LRRC8D: variants seen among roughly 807,000 people sequenced by gnomAD.
The protein encoded by LRRC8D is leucine rich repeat containing 8 VRAC subunit D.
A neutral mutation model predicts 55.8 loss-of-function variants in LRRC8D; 20 were observed. That is an observed-to-expected ratio of 0.36 (90% CI 0.25 to 0.52). The LOEUF (loss-of-function observed/expected upper bound fraction) is 0.52. LRRC8D is among the 20% of genes least tolerant of loss of function. The pLI, the probability that LRRC8D is intolerant of heterozygous loss-of-function variation, is 0.93. For synonymous variants in LRRC8D, 352 were observed against 377.0 expected (o/e 0.93, Z 0.77); for missense variants, 651 against 1,030.8 (o/e 0.63, Z 5.05).
chr1:89,901,478 C>T (rs1006060762), intron 2 of LRRC8D, among the ~76,000 whole-genome samples: 1 of 152,186 alleles, frequency 6.6e-6, no homozygotes, highest in African/African-American at 2.4e-5. Flanking sequence ...TGCACCATTG[C>T]CCAGTCCCCA....
At chr1:89,889,755 C>T (rs1035771848) in intron 2 of LRRC8D, among the ~76,000 whole-genome samples, 1 of 151,892 alleles carries the variant, frequency 6.6e-6, no homozygotes, top group South Asian at 2.1e-4. Flanking sequence ...TTTTGGTGAG[C>T]GCCTGTGGTC....
intron 2 of LRRC8D, among the ~76,000 whole-genome samples, chr1:89,926,552 A>G (rs1314399767): frequency 6.6e-6 from 1 of 152,252 alleles, no homozygotes; most frequent in Non-Finnish European, 1.5e-5. Context: ...CTCCTTCAAT[A>G]GCCAACCCTT....
Position 89,827,644 on chromosome 1 carries a change from G to A in LRRC8D, c.-148+6353G>A, listed in dbSNP as rs538450196. Among the ~76,000 whole-genome samples, 12 of 152,276 alleles carry A rather than the reference G, an allele frequency of 7.9e-5. No individual in the cohort carries two copies. In the South Asian group the frequency reaches 2.3e-3, roughly 29 times the overall value. ...GAGGCCTATGAAACCACAAGGATAG[G>A]GCCATAGGCAGCCTTGATAGTTCAC... is the stretch of plus-strand genomic sequence containing the variant. On this transcript the variant is annotated intron_variant, in intron 1 of 2. Coordinates refer to ENST00000337338, the MANE Select transcript of LRRC8D (RefSeq NM_001134479.2).
At chr1:89,871,476 A>G (rs1662005830) in intron 2 of LRRC8D, among the ~76,000 whole-genome samples, 1 of 152,190 alleles carries the variant, frequency 6.6e-6, no homozygotes, top group South Asian at 2.1e-4. Flanking sequence ...ATATACATTC[A>G]TTTTATATTG....
intron 1 of LRRC8D, among the ~76,000 whole-genome samples, chr1:89,839,871 G>T (rs1302411206): frequency 1.3e-5 from 2 of 152,208 alleles, no homozygotes; most frequent in Non-Finnish European, 2.9e-5. Context: ...TTCACACAGA[G>T]AATTGCTTGT....
At position 89,933,512 on chromosome 1, in the gene LRRC8D, TATTAATCAAA is replaced by T; in HGVS notation, c.445_454del (p.Ile149CysfsTer17). Reference sequence around the variant, plus strand: ...ACTTGGATTTTCAGCAATATGTATTTATTAATCAAATGTGTTACCATCTGGCCCTTCCGTG... The same window carrying T: ...ACTTGGATTTTCAGCAATATGTATTTTGTGTTACCATCTGGCCCTTCCGTG... On this transcript the variant is annotated frameshift_variant, in exon 3 of 3. Coordinates refer to ENST00000337338, the MANE Select transcript of LRRC8D (RefSeq NM_001134479.2). LOFTEE classifies it high-confidence loss of function. This position sits in a 1 kb window ranked among gnomAD's most constrained non-coding sequence, Gnocchi z 7.0. 3 of 1,614,186 alleles carry T rather than the reference TATTAATCAAA, an allele frequency of 1.9e-6. No individual in the cohort carries two copies. Among genetic ancestry groups the T allele is most frequent in the Non-Finnish European group, 2.5e-6 (3 of 1,180,012 alleles).
chr1:89,849,641 T>C (rs1337054667), intron 2 of LRRC8D, among the ~76,000 whole-genome samples: 1 of 152,192 alleles, frequency 6.6e-6, no homozygotes, highest in African/African-American at 2.4e-5. Flanking sequence ...CTTCATTTAC[T>C]TAATTTAATT....
intron 1 of LRRC8D, 101 bp from the exon 2 acceptor site, chr1:89,843,537 T>C: frequency 1.5e-6 from 1 of 660,782 alleles, no homozygotes; most frequent in South Asian, 1.6e-5. Flanking sequence ...ATGCAAGCGG[T>C]GACCCCCTGG....
rs193003143 is a variant in LRRC8D, at chr1:89,923,540, T to C, written c.-2-9527T>C. Among the ~76,000 whole-genome samples the C allele has an allele frequency of 3.3e-5, 5 of 152,048 alleles. No homozygotes were observed. In the East Asian group the frequency reaches 9.7e-4, roughly 30 times the overall value. Reference sequence around the variant, plus strand: ...ATATGTAGATACAGTGCTATTCCTATCAAACTACCAGTGTCATTTTTCACA... The same window carrying C: ...ATATGTAGATACAGTGCTATTCCTACCAAACTACCAGTGTCATTTTTCACA... On this transcript the variant is annotated intron_variant, in intron 2 of 2. Transcript: ENST00000337338.
chr1:89,884,289 T>G (rs945699205), intron 2 of LRRC8D, among the ~76,000 whole-genome samples: 2 of 152,158 alleles, frequency 1.3e-5, no homozygotes, highest in Admixed American at 1.3e-4. Flanking sequence ...GAGGTAGACT[T>G]TGTGTGTAAT....
At chr1:89,889,781 G>T (rs960182451) in intron 2 of LRRC8D, among the ~76,000 whole-genome samples, 3 of 152,064 alleles carry the variant, frequency 2.0e-5, no homozygotes, top group Non-Finnish European at 4.4e-5. Context: ...TACTTGGGAG[G>T]CTGAGGTAGG....
intron 1 of LRRC8D, 38 bp from the exon 2 acceptor site, chr1:89,843,600 T>G (rs1236773366): frequency 4.4e-6 from 3 of 689,594 alleles, no homozygotes; most frequent in East Asian, 2.8e-5. Flanking sequence ...GACACTTGGA[T>G]CTCTCTAGCT....
intron 1 of LRRC8D, among the ~76,000 whole-genome samples, chr1:89,823,543 G>A (rs1660691713): frequency 6.6e-6 from 1 of 152,182 alleles, no homozygotes; most frequent in Non-Finnish European, 1.5e-5. Flanking sequence ...AAAGTCAAAA[G>A]TTTGTCAAAA....
intron 1 of LRRC8D, among the ~76,000 whole-genome samples, chr1:89,827,166 C>G (rs1229220949): frequency 6.6e-6 from 1 of 151,930 alleles, no homozygotes; most frequent in African/African-American, 2.4e-5. Flanking sequence ...GCCTGGCCAA[C>G]CTGGTGAAAC....
At chr1:89,874,729 G>A (rs933767697) in intron 2 of LRRC8D, among the ~76,000 whole-genome samples, 8 of 152,104 alleles carry the variant, frequency 5.3e-5, no homozygotes, top group Admixed American at 2.6e-4. Context: ...GAATTGACTC[G>A]TAGCCAAAAG....
chr1:89,921,598 G>A (rs1045282424), intron 2 of LRRC8D, among the ~76,000 whole-genome samples: 9 of 152,054 alleles, frequency 5.9e-5, no homozygotes, highest in Admixed American at 5.9e-4. Context: ...AGGTTGGAGT[G>A]CAATGGCACA....
rs372718094 is a variant in LRRC8D at position 89,933,807 on chromosome 1, C to G, written c.739C>G (p.Pro247Ala). 8.7e-6 allele frequency: 14 copies of G among 1,613,994 alleles called. No homozygotes were observed. Among genetic ancestry groups the G allele is most frequent in the Non-Finnish European group, 1.1e-5 (13 of 1,180,034 alleles). The change falls in exon 3 of 3, where the codon CCC (proline) becomes GCC (alanine). Residue 247 changes from proline (P) to alanine (A), a missense_variant. Around this residue, in one of 5 missense-constraint regions of LRRC8D, gnomAD observed 178 missense variants for 374.9 expected, o/e 0.47. Transcript: ENST00000337338. The surrounding 1 kb of genome is among the most constrained non-coding windows in gnomAD (Gnocchi z 7.0). Reference protein sequence around the residue: ...HVSTSSDEGSPSASTPMINKT... With the variant: ...HVSTSSDEGSASASTPMINKT... ...TTCTACCAGCAGTGATGAAGGGAGC[C>G]CCAGTGCCAGTACACCAATGATCAA...
At chr1:89,825,266 A>G (rs1660736803) in intron 1 of LRRC8D, among the ~76,000 whole-genome samples, 1 of 152,166 alleles carries the variant, frequency 6.6e-6, no homozygotes, top group East Asian at 1.9e-4. Flanking sequence ...TCTAGGGCTA[A>G]TTAGCCCTTA....
At chr1:89,905,018 C>A (rs1383791877) in intron 2 of LRRC8D, among the ~76,000 whole-genome samples, 1 of 126,562 alleles carries the variant, frequency 7.9e-6, no homozygotes, top group Non-Finnish European at 1.9e-5. Flanking sequence ...TTTAAATAAC[C>A]CTTTTATAAA....
Sources: gnomAD v4.1 joint callset for allele counts (sites outside exome capture counted in the v4.1 genomes callset) on GRCh38, gnomAD v4.1.1 for gene constraint, gnomAD v4.1.1 regional missense constraint, Gnocchi (gnomAD v3.1) non-coding constraint, MANE v1.5 for transcripts, NCBI Gene and HGNC (gene_info 2026-07-23, HGNC 2026-07-21) for gene names.